The following MAST4 variants were observed in gnomAD, a reference collection of about 807,000 sequenced individuals.
MAST4 encodes microtubule associated serine/threonine kinase family member 4, also known as microtubule-associated serine/threonine-protein kinase 4.
A neutral mutation model predicts 162.7 loss-of-function variants in MAST4; 89 were observed. The ratio of observed to expected loss-of-function variants is 0.55; its 90% confidence interval spans 0.46 to 0.65. The LOEUF (loss-of-function observed/expected upper bound fraction) is 0.65. Among genes scored for constraint, MAST4 ranks in the 30% least tolerant of loss-of-function variants. The pLI is 0.00. For synonymous variants in MAST4, 1,479 were observed against 1,361.1 expected (o/e 1.09, Z -1.91); for missense variants, 3,153 against 3,374.0 (o/e 0.93, Z 1.62).
chr5:66,604,246 A>T (rs1742736013), intron 1 of MAST4, among the ~76,000 whole-genome samples: 1 of 152,316 alleles, frequency 6.6e-6, no homozygotes, highest in East Asian at 1.9e-4. Context: ...TTATTTAATG[A>T]TTTGAATTCA....
chr5:66,945,835 A>T (rs1743960401), intron 4 of MAST4, among the ~76,000 whole-genome samples: 1 of 152,148 alleles, frequency 6.6e-6, no homozygotes, highest in Non-Finnish European at 1.5e-5. Flanking sequence ...TTAAACTTGC[A>T]CATAACTTGC....
At chr5:66,711,431 G>A (rs1202798653) in intron 1 of MAST4, among the ~76,000 whole-genome samples, 1 of 152,084 alleles carries the variant, frequency 6.6e-6, no homozygotes, top group Non-Finnish European at 1.5e-5. Context: ...GAGATTCTTT[G>A]GCATGTGGCC....
At chr5:67,070,802 G>A (rs1247159811) in intron 5 of MAST4, among the ~76,000 whole-genome samples, 2 of 152,026 alleles carry the variant, frequency 1.3e-5, no homozygotes, top group African/African-American at 4.8e-5. Context: ...GACAGAAGGT[G>A]GATTTCACCT....
intron 1 of MAST4, among the ~76,000 whole-genome samples, chr5:66,686,849 C>T (rs899273463): frequency 3.3e-5 from 5 of 152,016 alleles, no homozygotes; most frequent in African/African-American, 7.3e-5. Context: ...AAGTTGGTGC[C>T]ATGTACATAG....
chr5:67,101,567 G>A (rs1765033847), intron 8 of MAST4, among the ~76,000 whole-genome samples: 1 of 152,118 alleles, frequency 6.6e-6, no homozygotes, highest in Admixed American at 6.5e-5. Flanking sequence ...TAGAATTAGT[G>A]CACTTTGATA....
At chr5:66,860,755 T>A (rs1760047240) in intron 3 of MAST4, among the ~76,000 whole-genome samples, 1 of 131,744 alleles carries the variant, frequency 7.6e-6, no homozygotes, top group Non-Finnish European at 1.6e-5. Flanking sequence ...AGCCGCGAAC[T>A]TAAAAAAACA....
At chr5:67,018,450 A>G (rs1753581670) in intron 4 of MAST4, among the ~76,000 whole-genome samples, 1 of 152,094 alleles carries the variant, frequency 6.6e-6, no homozygotes. Context: ...GAGAGGTCGC[A>G]GCTGCAGTGA....
At chr5:67,081,114 A>AATATATAATTGTATATATTATAT in intron 5 of MAST4, among the ~76,000 whole-genome samples, 1 of 141,312 alleles carries the variant, frequency 7.1e-6, no homozygotes, top group African/African-American at 2.6e-5. Flanking sequence ...TATATTATAT[A>AATATATAATTGTATATATTATAT]TTTTTTTTTA....
chr5:66,694,379 G>T (rs1195618770), intron 1 of MAST4, among the ~76,000 whole-genome samples: 1 of 152,116 alleles, frequency 6.6e-6, no homozygotes, highest in African/African-American at 2.4e-5. Context: ...AGTAGGGAAG[G>T]TATTCTCCCT....
At chr5:66,968,413 G>A (rs1383238342) in intron 4 of MAST4, among the ~76,000 whole-genome samples, 1 of 152,106 alleles carries the variant, frequency 6.6e-6, no homozygotes, top group Non-Finnish European at 1.5e-5. Flanking sequence ...CTCTCTCCCT[G>A]TTTCAGCTGT....
At chr5:66,837,610 G>A (rs1758067587) in intron 3 of MAST4, among the ~76,000 whole-genome samples, 1 of 151,728 alleles carries the variant, frequency 6.6e-6, no homozygotes, top group South Asian at 2.1e-4. Flanking sequence ...CCTGTAGCTG[G>A]CTGCCCTATT....
chr5:66,676,801 C>T (rs1302507212), intron 1 of MAST4, among the ~76,000 whole-genome samples: 1 of 152,174 alleles, frequency 6.6e-6, no homozygotes, highest in Middle Eastern at 3.2e-3. Context: ...CCTGACTGAT[C>T]AAGGAAATTC....
chr5:66,981,104 A>G lies in MAST4; in HGVS notation c.675-73300A>G, dbSNP rs546077705. On this transcript the variant is annotated intron_variant, in intron 4 of 28. Coordinates refer to ENST00000403625, the MANE Select transcript of MAST4 (RefSeq NM_001164664.2). ...TGGGCATAGAAATTTTAAAGTCATAAGTTTGTAACCCTGTGCCTTTTCCAT... is the reference window on the plus strand; with the variant it reads ...TGGGCATAGAAATTTTAAAGTCATAGGTTTGTAACCCTGTGCCTTTTCCAT... Among the ~76,000 whole-genome samples, 51 of 152,320 alleles carry G rather than the reference A, an allele frequency of 3.3e-4. 4 individuals are homozygous for G. Among genetic ancestry groups the G allele is most frequent in the African/African-American group, 1.2e-3 (49 of 41,566 alleles).
chr5:66,887,524 C>A (rs1300136806), intron 3 of MAST4, among the ~76,000 whole-genome samples: 2 of 152,166 alleles, frequency 1.3e-5, no homozygotes, highest in Non-Finnish European at 2.9e-5. Flanking sequence ...GGTAGAATGT[C>A]CAGGGCTGGC....
intron 3 of MAST4, among the ~76,000 whole-genome samples, chr5:66,853,552 A>G (rs984617651): frequency 2.6e-5 from 4 of 152,180 alleles, no homozygotes; most frequent in African/African-American, 9.7e-5. Context: ...CACCTAAGTA[A>G]TCTTGTTCAG....
At chr5:67,078,390 A>G (rs111877733) in intron 5 of MAST4, among the ~76,000 whole-genome samples, 2,908 of 150,940 alleles carry the variant, frequency 0.019, 104 homozygotes, top group African/African-American at 0.067. Flanking sequence ...GGAATGAAGT[A>G]CAAACTCTGG....
At position 66,743,742 on chromosome 5, in the gene MAST4, C is replaced by T. The variant is rs527238726; in HGVS notation, c.364-15967C>T. On this transcript the variant is annotated intron_variant, in intron 1 of 28. Transcript: ENST00000403625. ...AGTCAGATAGAATTCAGGGGTAAGA[C>T]GGATCTATGCTGTGCCAGGGGGCTG... 2.0e-4 allele frequency among the ~76,000 whole-genome samples: 31 copies of T among 152,236 alleles called. No individual in the cohort carries two copies. The South Asian group carries it at 6.0e-3, about 30-fold the overall frequency.
intron 5 of MAST4, among the ~76,000 whole-genome samples, chr5:67,057,403 C>T (rs1024655947): frequency 2.6e-5 from 4 of 152,002 alleles, no homozygotes; most frequent in Non-Finnish European, 2.9e-5. Context: ...CCAGTCATCA[C>T]GGACACATCG....
intron 1 of MAST4, among the ~76,000 whole-genome samples, chr5:66,662,134 A>G (rs1746953541): frequency 6.6e-6 from 1 of 151,924 alleles, no homozygotes; most frequent in Non-Finnish European, 1.5e-5. Flanking sequence ...GGGATATAAC[A>G]GTGAAGAAAA....
Sources: allele counts gnomAD v4.1 joint callset (sites outside exome capture counted in the v4.1 genomes callset), GRCh38; gene constraint gnomAD v4.1.1; transcripts MANE v1.5; gene names NCBI Gene and HGNC (gene_info 2026-07-23, HGNC 2026-07-21).